Variants in ZNF277 observed in about 807,000 individuals in gnomAD.
ZNF277 encodes nuclear receptor-interacting factor 4.
In ZNF277, 55 loss-of-function variants were observed where a neutral mutation model predicts 60.7. The observed-to-expected ratio is 0.91, with a 90% CI of 0.73 to 1.13. ZNF277 has a LOEUF of 1.13. Ranked by LOEUF, ZNF277 falls within the 50% of genes most tolerant of loss-of-function variation. ZNF277 has a pLI of 0.00. For synonymous variants in ZNF277, 178 were observed against 179.3 expected (o/e 0.99, Z 0.06); for missense variants, 510 against 523.0 (o/e 0.98, Z 0.24).
chr7:112,276,561 A>G (rs964445510), intron 1 of ZNF277, among the ~76,000 whole-genome samples: 7 of 152,220 alleles, frequency 4.6e-5, no homozygotes, highest in Non-Finnish European at 8.8e-5. Context: ...TTTTTGTTGT[A>G]GACAGGATGC....
At chr7:112,268,103 C>A (rs1791589496) in intron 1 of ZNF277, among the ~76,000 whole-genome samples, 2 of 152,030 alleles carry the variant, frequency 1.3e-5, no homozygotes, top group Admixed American at 1.3e-4. Context: ...AGGAAAATAC[C>A]TCTTAGTAAG....
chr7:112,283,397 C>T (rs1791991366), intron 1 of ZNF277, among the ~76,000 whole-genome samples: 1 of 152,068 alleles, frequency 6.6e-6, no homozygotes, highest in African/African-American at 2.4e-5. Context: ...GTGGCAGGCA[C>T]CTGTAATCCC....
intron 4 of ZNF277, among the ~76,000 whole-genome samples, chr7:112,309,839 T>A (rs1041865544): frequency 1.3e-5 from 2 of 151,964 alleles, no homozygotes. Context: ...CTCACAGAAC[T>A]CAGAAAAGCA....
At chr7:112,243,679 G>C (rs531239523) in intron 1 of ZNF277, among the ~76,000 whole-genome samples, 43 of 152,030 alleles carry the variant, frequency 2.8e-4, no homozygotes, top group African/African-American at 9.6e-4. Context: ...AAAAATTACA[G>C]GTGTTGGTAA....
chr7:112,239,291 C>A (rs1425870279), intron 1 of ZNF277, among the ~76,000 whole-genome samples: 3 of 152,188 alleles, frequency 2.0e-5, no homozygotes, highest in Middle Eastern at 3.2e-3. Flanking sequence ...TATTTCTAGA[C>A]CCACCCTTGG....
At chr7:112,336,667 A>G (rs1793340725) in intron 8 of ZNF277, among the ~76,000 whole-genome samples, 1 of 152,158 alleles carries the variant, frequency 6.6e-6, no homozygotes, top group Non-Finnish European at 1.5e-5. Context: ...TCTTCTTTTC[A>G]GTCAAAGCTT....
intron 2 of ZNF277, among the ~76,000 whole-genome samples, chr7:112,289,315 T>G (rs183662252): frequency 6.6e-6 from 1 of 152,310 alleles, no homozygotes; most frequent in East Asian, 1.9e-4. Flanking sequence ...GCACCAATAC[T>G]GAATATTTAC....
chr7:112,337,831 G>A lies in ZNF277; in HGVS notation c.966+5G>A. ...AAGTTGTATGTCCACATGGAGGTAA[G>A]ATACCTGTATTTATTTGAATTTTGT... On this transcript the variant is annotated splice_donor_5th_base_variant and intron_variant, in intron 9 of 11. Coordinates refer to ENST00000361822, the MANE Select transcript of ZNF277 (RefSeq NM_021994.3). 1 of 1,606,904 alleles carries A rather than the reference G, an allele frequency of 6.2e-7. No individual in the cohort carries two copies. The highest frequency in any genetic ancestry group is 8.5e-7 in the Non-Finnish European group (1 of 1,176,980).
intron 1 of ZNF277, among the ~76,000 whole-genome samples, chr7:112,244,026 T>A (rs1259667212): frequency 6.6e-6 from 1 of 152,132 alleles, no homozygotes; most frequent in Non-Finnish European, 1.5e-5. Flanking sequence ...GAGGCCATTA[T>A]CTTAACTGAA....
intron 1 of ZNF277, among the ~76,000 whole-genome samples, chr7:112,274,074 T>C (rs1403665854): frequency 6.6e-6 from 1 of 151,590 alleles, no homozygotes; most frequent in Non-Finnish European, 1.5e-5. Flanking sequence ...GTTAGAAAAG[T>C]TTGAGAAATT....
At chr7:112,325,379 T>G (rs907128836) in intron 5 of ZNF277, among the ~76,000 whole-genome samples, 1 of 152,184 alleles carries the variant, frequency 6.6e-6, no homozygotes, top group African/African-American at 2.4e-5. Context: ...TCACTCAGTC[T>G]CCTTCCAGCT....
intron 1 of ZNF277, among the ~76,000 whole-genome samples, chr7:112,216,851 T>TC (rs1821898000): frequency 6.6e-6 from 1 of 152,192 alleles, no homozygotes; most frequent in Non-Finnish European, 1.5e-5. Context: ...ATCAGGTGTA[T>TC]CAGGTTAGAA....
intron 1 of ZNF277, among the ~76,000 whole-genome samples, chr7:112,224,746 C>T (rs1248065320): frequency 6.6e-6 from 1 of 152,202 alleles, no homozygotes; most frequent in Admixed American, 6.5e-5. Flanking sequence ...TTCAGAGGAA[C>T]ATGACTAAAA....
At chr7:112,319,652 TTATATAATATATATAA>T (rs1425142159) in intron 5 of ZNF277, among the ~76,000 whole-genome samples, 2 of 147,556 alleles carry the variant, frequency 1.4e-5, no homozygotes, top group East Asian at 3.9e-4. Context: ...AATTTATAAA[TTATATAATATATATAA>T]TATATATTAT....
At chr7:112,220,170 T>A (rs1220778335) in intron 1 of ZNF277, among the ~76,000 whole-genome samples, 1 of 152,240 alleles carries the variant, frequency 6.6e-6, no homozygotes, top group African/African-American at 2.4e-5. Flanking sequence ...AATATTCTTC[T>A]AATCCATAAG....
At chr7:112,241,079 G>A (rs544395740) in intron 1 of ZNF277, among the ~76,000 whole-genome samples, 7 of 152,016 alleles carry the variant, frequency 4.6e-5, no homozygotes, top group South Asian at 2.1e-4. Context: ...CCACAGTATC[G>A]GAGAACGTAT....
intron 1 of ZNF277, among the ~76,000 whole-genome samples, chr7:112,225,466 A>G (rs1822151244): frequency 6.6e-6 from 1 of 152,158 alleles, no homozygotes; most frequent in Non-Finnish European, 1.5e-5. Flanking sequence ...GTTCTTGATT[A>G]TTTTTCCTTG....
In ZNF277 at chr7:112,231,207, C is replaced by T. The variant is rs566852430; in HGVS notation, c.91+24400C>T. 9.9e-5 allele frequency among the ~76,000 whole-genome samples: 8 copies of T among 81,036 alleles called. No homozygotes were observed. The East Asian group carries it at 1.2e-3, about 12-fold the overall frequency. 53.2% of individuals were successfully genotyped at this position (81,036 alleles called of 152,430 possible). A position where few individuals can be genotyped will look rare whatever the true frequency, so the allele number is the denominator to read the frequency against. ...CCAGCCTGGCAACAATGTGAGACTC[C>T]GTCTCAAAAAAAAAAAAAAAAATTG... is the stretch of plus-strand genomic sequence containing the variant. On this transcript the variant is annotated intron_variant, in intron 1 of 11. Coordinates refer to ENST00000361822, the MANE Select transcript of ZNF277 (RefSeq NM_021994.3).
At chr7:112,258,384 T>C (rs114160467) in intron 1 of ZNF277, among the ~76,000 whole-genome samples, 65 of 152,024 alleles carry the variant, frequency 4.3e-4, no homozygotes, top group African/African-American at 1.5e-3. Context: ...TTTTAGTACA[T>C]ACCTTGTATA....
Sources: allele counts gnomAD v4.1 joint callset (sites outside exome capture counted in the v4.1 genomes callset), GRCh38; gene constraint gnomAD v4.1.1; transcripts MANE v1.5; gene names NCBI Gene and HGNC (gene_info 2026-07-23, HGNC 2026-07-21).